ARHGAP20: variants seen among roughly 807,000 people sequenced by gnomAD.
ARHGAP20 encodes rho GTPase-activating protein 20.
A neutral mutation model predicts 73.7 loss-of-function variants in ARHGAP20; 34 were observed. The observed-to-expected ratio is 0.46, with a 90% confidence interval of 0.35 to 0.61. The LOEUF is 0.61. Ranked by LOEUF, ARHGAP20 falls within the 20% of genes least tolerant of loss-of-function variation. The probability of loss-of-function intolerance (pLI) is 0.00; values close to 1 mark genes in which losing one functional copy is unlikely to be tolerated. For missense variants in ARHGAP20, 1,314 were observed against 1,420.9 expected, an observed-to-expected ratio of 0.92 and a Z score of 1.21; for synonymous variants, 523 against 518.2, an observed-to-expected ratio of 1.01 and a Z score of -0.13.
chr11:110,598,136 C>T (rs1051839370), intron 9 of ARHGAP20, among the ~76,000 whole-genome samples: 4 of 150,288 alleles, frequency 2.7e-5, no homozygotes, highest in Admixed American at 6.6e-5. Flanking sequence ...AATTCTACTC[C>T]GGCCATGTAA....
chr11:110,611,243 ATACT>A (rs954319992), intron 7 of ARHGAP20, 62 bp downstream of exon 7: 67 of 1,084,300 alleles, frequency 6.2e-5, no homozygotes, highest in Non-Finnish European at 8.5e-5. Context: ...TGGAAGGAAA[ATACT>A]TACATAAATT....
At chr11:110,648,549 A>G (rs962147105) in intron 2 of ARHGAP20, among the ~76,000 whole-genome samples, 16 of 150,540 alleles carry the variant, frequency 1.1e-4, no homozygotes, top group African/African-American at 2.4e-4. Flanking sequence ...CAGTGGCTCA[A>G]TCTTGGCCCA....
chr11:110,579,445 C>G lies in ARHGAP20; in HGVS notation c.3501G>C (p.Glu1167Asp). 4 of 1,614,124 alleles carry G rather than the reference C, an allele frequency of 2.5e-6. No individual in the cohort carries two copies. Among genetic ancestry groups the G allele is most frequent in the Non-Finnish European group, 3.4e-6 (4 of 1,179,974 alleles). Residue 1167 changes from glutamate to aspartate, a missense_variant, in exon 15 of 15, where the codon GAG becomes GAC. This residue lies in a region of ARHGAP20 where 641 missense variants were observed against 636.9 expected (regional missense o/e 1.01). Transcript: ENST00000683387. ...ERASASSWTL[E>D]DATSPDSGPT... ...GCCCTGAGTCTGGGCTGGTCGCATC[C>G]TCTAGAGTCCAAGAGCTGGCTGAGG...
chr11:110,591,499 G>C (rs1947827957), intron 10 of ARHGAP20, among the ~76,000 whole-genome samples: 1 of 152,170 alleles, frequency 6.6e-6, no homozygotes, highest in Admixed American at 6.5e-5. Flanking sequence ...ATATCAACTG[G>C]AGATAATATA....
intron 11 of ARHGAP20, chr11:110,589,412 C>T: frequency 4.1e-6 from 4 of 985,328 alleles, no homozygotes; most frequent in Non-Finnish European, 4.8e-6. Flanking sequence ...AAGTAACATT[C>T]TGTAAGCACC....
chr11:110,603,149 T>A (rs1948148177), intron 9 of ARHGAP20, among the ~76,000 whole-genome samples: 1 of 152,206 alleles, frequency 6.6e-6, no homozygotes, highest in African/African-American at 2.4e-5. Context: ...TTTACTCTCA[T>A]GGACTTAACT....
At chr11:110,697,808 C>T (rs1446853867) in intron 1 of ARHGAP20, among the ~76,000 whole-genome samples, 3 of 151,770 alleles carry the variant, frequency 2.0e-5, no homozygotes, top group African/African-American at 4.8e-5. Flanking sequence ...CAGGACCATG[C>T]TGTTTTAGTT....
chr11:110,621,695 T>C (rs1362650298), intron 4 of ARHGAP20, among the ~76,000 whole-genome samples: 1 of 152,218 alleles, frequency 6.6e-6, no homozygotes. Context: ...TGCTTACTTA[T>C]GAAAGCTGTT....
chr11:110,668,627 C>A (rs1949769167), intron 2 of ARHGAP20, among the ~76,000 whole-genome samples: 1 of 151,726 alleles, frequency 6.6e-6, no homozygotes. Context: ...CCAGCCTGGG[C>A]AACAGACCAA....
chr11:110,612,273 A>C (rs996850812), intron 6 of ARHGAP20, among the ~76,000 whole-genome samples: 6 of 151,684 alleles, frequency 4.0e-5, no homozygotes, highest in Non-Finnish European at 8.8e-5. Flanking sequence ...AAAATACAAA[A>C]AAAATTTAGC....
intron 1 of ARHGAP20, chr11:110,711,613 A>C: frequency 6.7e-7 from 1 of 1,486,676 alleles, no homozygotes; most frequent in South Asian, 1.3e-5. Flanking sequence ...CTCGGCGGGC[A>C]GGTGAGGGGG....
At chr11:110,677,027 C>T (rs1949945879) in intron 2 of ARHGAP20, among the ~76,000 whole-genome samples, 1 of 152,030 alleles carries the variant, frequency 6.6e-6, no homozygotes, top group African/African-American at 2.4e-5. Flanking sequence ...GATGAAAAAA[C>T]ATACCAACCC....
At chr11:110,659,564 A>C (rs1331993037) in intron 2 of ARHGAP20, among the ~76,000 whole-genome samples, 1 of 151,406 alleles carries the variant, frequency 6.6e-6, no homozygotes, top group Non-Finnish European at 1.5e-5. Context: ...CTTTAGTTTA[A>C]TTAGATCCCA....
At chr11:110,687,133 AGTG>A (rs916550751) in intron 2 of ARHGAP20, among the ~76,000 whole-genome samples, 1 of 146,524 alleles carries the variant, frequency 6.8e-6, no homozygotes, top group Non-Finnish European at 1.5e-5. Flanking sequence ...GTCTGAGTGC[AGTG>A]GCACAATCAT....
intron 2 of ARHGAP20, among the ~76,000 whole-genome samples, chr11:110,640,750 T>C (rs1482451426): frequency 8.8e-6 from 1 of 113,142 alleles, no homozygotes; most frequent in Non-Finnish European, 1.6e-5. Context: ...AATGATTAAA[T>C]AATAAATCAG....
intron 2 of ARHGAP20, among the ~76,000 whole-genome samples, chr11:110,689,709 C>A (rs894582149): frequency 6.6e-6 from 1 of 152,002 alleles, no homozygotes; most frequent in South Asian, 2.1e-4. Context: ...TTAACCATTT[C>A]GCTAAAGTAT....
At chr11:110,682,017 G>C (rs916079412) in intron 2 of ARHGAP20, among the ~76,000 whole-genome samples, 1 of 152,116 alleles carries the variant, frequency 6.6e-6, no homozygotes, top group Non-Finnish European at 1.5e-5. Flanking sequence ...CCTCTACATA[G>C]GGAGAACTCA....
intron 9 of ARHGAP20, among the ~76,000 whole-genome samples, chr11:110,597,157 G>T (rs1468494620): frequency 7.9e-6 from 1 of 125,972 alleles, no homozygotes; most frequent in African/African-American, 2.9e-5. Flanking sequence ...GGGGGAGGGG[G>T]AGGGAAAGCA....
intron 1 of ARHGAP20, among the ~76,000 whole-genome samples, chr11:110,711,281 G>A (rs1247270004): frequency 2.0e-5 from 3 of 152,042 alleles, no homozygotes; most frequent in Non-Finnish European, 4.4e-5. Context: ...CTTTGACAGG[G>A]AACACGCGCT....
Sources: gnomAD v4.1 joint callset for allele counts (sites outside exome capture counted in the v4.1 genomes callset) on GRCh38, gnomAD v4.1.1 for gene constraint, gnomAD v4.1.1 regional missense constraint, MANE v1.5 for transcripts, NCBI Gene and HGNC (gene_info 2026-07-23, HGNC 2026-07-21) for gene names.